Variants in RAB1A observed in about 807,000 individuals in gnomAD.
RAB1A encodes the protein RAB1A, member RAS oncogene family, also known as ras-related protein Rab-1A.
A neutral mutation model predicts 26.0 loss-of-function variants in RAB1A; 2 were observed. The ratio of observed to expected loss-of-function variants is 0.08; its 90% CI spans 0.03 to 0.24. RAB1A has a LOEUF of 0.24. RAB1A is among the 10% of genes least tolerant of loss of function. The pLI is 1.00. For missense variants in RAB1A, 100 were observed against 247.0 expected (o/e 0.40, Z 3.99); for synonymous variants, 84 against 84.9 (o/e 0.99, Z 0.06).
At chr2:65,122,122 C>G (rs544014636) in intron 1 of RAB1A, among the ~76,000 whole-genome samples, 1 of 136,628 alleles carries the variant, frequency 7.3e-6, no homozygotes, top group Non-Finnish European at 1.5e-5. Context: ...TGCCACTGCA[C>G]TCCAGCCTGG....
intron 1 of RAB1A, among the ~76,000 whole-genome samples, chr2:65,120,144 A>T (rs1669927003): frequency 6.6e-6 from 1 of 151,958 alleles, no homozygotes; most frequent in Non-Finnish European, 1.5e-5. Flanking sequence ...TAAGACTAAC[A>T]TCTTAAACTC....
At chr2:65,092,878 G>A (rs1334977874) in intron 3 of RAB1A, among the ~76,000 whole-genome samples, 1 of 152,148 alleles carries the variant, frequency 6.6e-6, no homozygotes, top group Non-Finnish European at 1.5e-5. Context: ...CCATTCAAGT[G>A]ATAGTGAATG....
chr2:65,102,595 TTCTAA>T (rs966630429), intron 2 of RAB1A, among the ~76,000 whole-genome samples: 47 of 151,080 alleles, frequency 3.1e-4, no homozygotes, highest in African/African-American at 1.1e-3. Flanking sequence ...GCCAATTCTG[TTCTAA>T]TCTGTCTGTT....
intron 1 of RAB1A, among the ~76,000 whole-genome samples, chr2:65,112,646 GAGAAAGCTAAAAAC>G: frequency 6.6e-6 from 1 of 152,284 alleles, no homozygotes; most frequent in Admixed American, 6.5e-5. Flanking sequence ...TTCACTCTAT[GAGAAAGCTAAAAAC>G]AGTTAAGGTA....
intron 1 of RAB1A, among the ~76,000 whole-genome samples, chr2:65,112,865 G>A (rs937530542): frequency 2.0e-5 from 3 of 152,112 alleles, no homozygotes; most frequent in African/African-American, 4.8e-5. Context: ...AAAGCAATAA[G>A]GTACAGTAAG....
intron 1 of RAB1A, among the ~76,000 whole-genome samples, chr2:65,117,112 C>A (rs886262314): frequency 7.3e-5 from 11 of 150,994 alleles, no homozygotes; most frequent in Non-Finnish European, 1.3e-4. Flanking sequence ...GTCACCCAGG[C>A]TGAAGTGCAG....
intron 2 of RAB1A, among the ~76,000 whole-genome samples, chr2:65,103,301 A>AAAAAAAAAAAAAAAAAAAAAAAAAC (rs1558580223): frequency 3.3e-5 from 5 of 150,072 alleles, no homozygotes; most frequent in South Asian, 4.2e-4. Flanking sequence ...ATCTGTCTCA[A>AAAAAAAAAAAAAAAAAAAAAAAAAC]AAAAAAAAAA....
At chr2:65,126,052 T>C (rs1231135219) in intron 1 of RAB1A, among the ~76,000 whole-genome samples, 5 of 151,816 alleles carry the variant, frequency 3.3e-5, no homozygotes, top group Non-Finnish European at 5.9e-5. Context: ...TCTGTATTAG[T>C]AGAGATAGGG....
chr2:65,107,935 G>A (rs1383714324), intron 1 of RAB1A, among the ~76,000 whole-genome samples: 1 of 151,944 alleles, frequency 6.6e-6, no homozygotes, highest in Non-Finnish European at 1.5e-5. Context: ...ATGGTGGTGG[G>A]CAGCTTTAAT....
At chr2:65,095,274 A>C (rs1669256310) in intron 3 of RAB1A, among the ~76,000 whole-genome samples, 1 of 152,074 alleles carries the variant, frequency 6.6e-6, no homozygotes, top group Non-Finnish European at 1.5e-5. Context: ...GAGCTCAGGC[A>C]ATCTGCCCAC....
In RAB1A at chr2:65,088,376, G is replaced by C; in HGVS notation, c.*117C>G. ...CCATTTACAATCTCTGACCTTTGTG[G>C]AGACGGTAAGAATCTGTTGTAGTGC... On this transcript the variant is annotated 3_prime_UTR_variant, in exon 6 of 6. Coordinates refer to ENST00000409784, the MANE Select transcript of RAB1A (RefSeq NM_004161.5). The C allele has an allele frequency of 1.2e-6, 1 of 832,638 alleles. No individual in the cohort carries two copies. Among genetic ancestry groups the C allele is most frequent in the Non-Finnish European group, 1.8e-6 (1 of 555,418 alleles). 51.6% of individuals were successfully genotyped at this position (832,638 alleles called of 1,614,324 possible).
intron 2 of RAB1A, among the ~76,000 whole-genome samples, chr2:65,099,519 G>C (rs985679122): frequency 1.3e-5 from 2 of 152,216 alleles, no homozygotes; most frequent in African/African-American, 2.4e-5. Context: ...CTGCCAAACA[G>C]AACTTCCTGT....
At chr2:65,120,106 A>G (rs1413873285) in intron 1 of RAB1A, among the ~76,000 whole-genome samples, 3 of 152,030 alleles carry the variant, frequency 2.0e-5, no homozygotes, top group Non-Finnish European at 4.4e-5. Flanking sequence ...CTATTTGACT[A>G]TTTTTATAAA....
chr2:65,107,275 G>A (rs1375111094), intron 1 of RAB1A, among the ~76,000 whole-genome samples: 1 of 151,478 alleles, frequency 6.6e-6, no homozygotes, highest in African/African-American at 2.4e-5. Context: ...TCATGTTGGA[G>A]GCTGTTCTCA....
At chr2:65,112,240 C>CG (rs1195433157) in intron 1 of RAB1A, among the ~76,000 whole-genome samples, 1 of 151,600 alleles carries the variant, frequency 6.6e-6, no homozygotes, top group African/African-American at 2.4e-5. Flanking sequence ...CCACCTCCCC[C>CG]GGGTTCAAGC....
intron 1 of RAB1A, among the ~76,000 whole-genome samples, chr2:65,117,937 G>C (rs1381459656): frequency 6.6e-6 from 1 of 152,202 alleles, no homozygotes; most frequent in African/African-American, 2.4e-5. Context: ...GTTGTAGTGG[G>C]ACATCCAAGC....
chr2:65,125,619 A>G (rs1330359148), intron 1 of RAB1A, among the ~76,000 whole-genome samples: 1 of 151,532 alleles, frequency 6.6e-6, no homozygotes, highest in Non-Finnish European at 1.5e-5. Context: ...GCAGTGTCTC[A>G]TCATGTTGGC....
intron 1 of RAB1A, among the ~76,000 whole-genome samples, chr2:65,123,736 G>C (rs1163764250): frequency 2.6e-5 from 4 of 151,834 alleles, no homozygotes; most frequent in East Asian, 3.9e-4. Flanking sequence ...TGAGGTGGAA[G>C]AATCACTTAA....
chr2:65,129,829 G>T, intron 1 of RAB1A, 64 bp downstream of exon 1: 1 of 1,558,220 alleles, frequency 6.4e-7, no homozygotes, highest in Non-Finnish European at 8.7e-7. Context: ...AACCCTCCTC[G>T]ACCCCTTTAA....
Sources: gnomAD v4.1 joint callset for allele counts (sites outside exome capture counted in the v4.1 genomes callset) on GRCh38, gnomAD v4.1.1 for gene constraint, MANE v1.5 for transcripts, NCBI Gene and HGNC (gene_info 2026-07-23, HGNC 2026-07-21) for gene names.